The following ABCC1 variants were observed in gnomAD, a reference collection of about 807,000 sequenced individuals.
ABCC1 encodes the protein ATP binding cassette subfamily C member 1 (ABCC1 blood group).
A neutral mutation model predicts 172.9 loss-of-function variants in ABCC1; 83 were observed. The ratio of observed to expected loss-of-function variants is 0.48; its 90% CI spans 0.40 to 0.58. The LOEUF (loss-of-function observed/expected upper bound fraction) is 0.58. Among genes scored for constraint, ABCC1 ranks in the 20% least tolerant of loss-of-function variants. The probability of loss-of-function intolerance (pLI) is 0.00; values close to 1 mark genes in which losing one functional copy is unlikely to be tolerated. For missense variants in ABCC1, 1,817 were observed against 2,002.7 expected (o/e 0.91, Z 1.77); for synonymous variants, 937 against 825.2 (o/e 1.14, Z -2.32).
At chr16:16,102,585 C>T in intron 19 of ABCC1, 42 bp from the exon 20 acceptor site, 3 of 1,543,102 alleles carry the variant, frequency 1.9e-6, no homozygotes, top group Non-Finnish European at 2.6e-6. Context: ...TAGCATCTGC[C>T]TCATATAACC....
At chr16:16,065,550 A>G (rs2050080005) in intron 12 of ABCC1, among the ~76,000 whole-genome samples, 1 of 152,152 alleles carries the variant, frequency 6.6e-6, no homozygotes, top group Admixed American at 6.5e-5. Flanking sequence ...CTCCTACTTC[A>G]GCCTCCCTAG....
chr16:16,105,004 C>T (rs2052009933), intron 20 of ABCC1, among the ~76,000 whole-genome samples: 2 of 152,162 alleles, frequency 1.3e-5, no homozygotes, highest in Admixed American at 6.5e-5. Context: ...CCTCCCGTTC[C>T]TCTCCCTCCA....
At chr16:16,098,874 C>T (rs541202192) in intron 19 of ABCC1, 1 of 1,352,090 alleles carries the variant, frequency 7.4e-7, no homozygotes, top group Non-Finnish European at 9.8e-7. Context: ...AATTCCCAGG[C>T]AGCACAGTGA....
At chr16:16,105,656 C>T (rs763366594) in intron 20 of ABCC1, among the ~76,000 whole-genome samples, 2 of 151,534 alleles carry the variant, frequency 1.3e-5, no homozygotes, top group Non-Finnish European at 1.5e-5. Flanking sequence ...GAAATTTCCA[C>T]GGCAGTGAGC....
At chr16:16,023,662 C>A (rs2048271764) in intron 5 of ABCC1, among the ~76,000 whole-genome samples, 1 of 152,174 alleles carries the variant, frequency 6.6e-6, no homozygotes, top group African/African-American at 2.4e-5. Context: ...GTTGAACCAA[C>A]AACTGCAGGA....
intron 13 of ABCC1, among the ~76,000 whole-genome samples, chr16:16,068,565 G>A (rs7189813): frequency 0.021 from 3,202 of 152,254 alleles, 121 homozygotes; most frequent in African/African-American, 0.073. Context: ...GAATCTTTCC[G>A]AAATACTCTG....
intron 5 of ABCC1, among the ~76,000 whole-genome samples, chr16:16,017,330 A>G (rs1219232862): frequency 2.0e-5 from 3 of 152,120 alleles, no homozygotes. Flanking sequence ...TCCTGGGCTC[A>G]AGCAATCTTC....
At chr16:16,112,998 G>A (rs571838027) in intron 22 of ABCC1, among the ~76,000 whole-genome samples, 5 of 152,304 alleles carry the variant, frequency 3.3e-5, no homozygotes, top group Admixed American at 1.3e-4. Flanking sequence ...GTGTCTTCCC[G>A]ATTAAAGAGG....
chr16:16,030,062 C>T (rs1337634045), intron 5 of ABCC1, among the ~76,000 whole-genome samples: 1 of 152,092 alleles, frequency 6.6e-6, no homozygotes, highest in Non-Finnish European at 1.5e-5. Context: ...TGACTGTTTT[C>T]CTCAGGGAAG....
intron 14 of ABCC1, among the ~76,000 whole-genome samples, chr16:16,075,374 C>T (rs1336770261): frequency 6.6e-5 from 10 of 151,732 alleles, no homozygotes; most frequent in South Asian, 2.1e-4. Flanking sequence ...CCTGTAATCC[C>T]GGCACTTTGG....
At chr16:16,028,512 T>C (rs1415564679) in intron 5 of ABCC1, among the ~76,000 whole-genome samples, 1 of 152,142 alleles carries the variant, frequency 6.6e-6, no homozygotes. Context: ...GGTAGAGGGC[T>C]TGGGCTGCAG....
chr16:16,075,337 G>C (rs1423726017), intron 14 of ABCC1, among the ~76,000 whole-genome samples: 2 of 151,784 alleles, frequency 1.3e-5, no homozygotes, highest in Non-Finnish European at 2.9e-5. Flanking sequence ...TTAGAAGTGT[G>C]GAGCTGGCCG....
intron 26 of ABCC1, among the ~76,000 whole-genome samples, chr16:16,127,205 C>T (rs1310794171): frequency 1.3e-5 from 2 of 152,132 alleles, no homozygotes; most frequent in African/African-American, 2.4e-5. Flanking sequence ...TAGAGTAATG[C>T]ACTCAGTCTT....
chr16:16,006,882 A>ATGGTGG (rs2047555607), intron 1 of ABCC1, among the ~76,000 whole-genome samples: 1 of 58,868 alleles, frequency 1.7e-5, no homozygotes, highest in African/African-American at 4.7e-5. Flanking sequence ...GGTGGCGGTG[A>ATGGTGG]TGGTGGTGGT....
Position 16,134,449 on chromosome 16 carries a change from ATCAACATCG to A in ABCC1, c.4067_4075del (p.Ile1356_Ala1359delinsThr). ...CGAAGGAGAGATCATCATCGATGGC[ATCAACATCG>A]CCAAGATCGGCCTGCACGACCTCCG... On this transcript the variant is annotated inframe_deletion, in exon 28 of 31. Coordinates refer to ENST00000399410, the MANE Select transcript of ABCC1 (RefSeq NM_004996.4). The A allele has an allele frequency of 6.2e-7, 1 of 1,614,148 alleles. No individual in the cohort carries two copies. Among genetic ancestry groups the A allele is most frequent in the Non-Finnish European group, 8.5e-7 (1 of 1,180,022 alleles).
intron 1 of ABCC1, among the ~76,000 whole-genome samples, chr16:15,981,024 T>C (rs923682966): frequency 2.0e-5 from 3 of 152,206 alleles, no homozygotes; most frequent in Non-Finnish European, 4.4e-5. Context: ...AGTGGGGCAG[T>C]CATTTCTTAA....
chr16:15,950,852 G>T (rs1479684770), intron 1 of ABCC1, among the ~76,000 whole-genome samples: 1 of 151,990 alleles, frequency 6.6e-6, no homozygotes, highest in African/African-American at 2.4e-5. Context: ...CTGTTTTGCC[G>T]GCCTTTCCTC....
intron 6 of ABCC1, among the ~76,000 whole-genome samples, chr16:16,033,913 C>T (rs2048645864): frequency 1.3e-5 from 2 of 152,206 alleles, no homozygotes; most frequent in South Asian, 4.1e-4. Flanking sequence ...GTGTGAGCCA[C>T]CATGCCCAGC....
intron 12 of ABCC1, among the ~76,000 whole-genome samples, chr16:16,062,861 G>A (rs2049973057): frequency 6.6e-6 from 1 of 152,136 alleles, no homozygotes; most frequent in South Asian, 2.1e-4. Flanking sequence ...TGGCAAACCT[G>A]GCATTTACCA....
Sources: allele counts gnomAD v4.1 joint callset (sites outside exome capture counted in the v4.1 genomes callset), GRCh38; gene constraint gnomAD v4.1.1; transcripts MANE v1.5; gene names NCBI Gene and HGNC (gene_info 2026-07-23, HGNC 2026-07-21).